The following SIDT1 variants were observed in gnomAD, a reference collection of about 807,000 sequenced individuals.
SIDT1 encodes the protein SID1 transmembrane family member 1.
In SIDT1, 101 loss-of-function variants were observed where a neutral mutation model predicts 107.5. The ratio of observed to expected loss-of-function variants is 0.94; its 90% CI spans 0.80 to 1.11. The LOEUF is 1.11. SIDT1 is among the 50% of genes least tolerant of loss of function. SIDT1 has a pLI of 0.00. For missense variants in SIDT1, 1,076 were observed against 1,058.2 expected, an observed-to-expected ratio of 1.02 and a Z score of -0.23; for synonymous variants, 395 against 398.2, an observed-to-expected ratio of 0.99 and a Z score of 0.10.
At chr3:113,559,465 G>A (rs531484001) in intron 1 of SIDT1, among the ~76,000 whole-genome samples, 1 of 150,886 alleles carries the variant, frequency 6.6e-6, no homozygotes, top group African/African-American at 2.4e-5. Flanking sequence ...TTTGAGACAG[G>A]GTTTTCACTC....
chr3:113,543,626 T>C (rs573520758), intron 1 of SIDT1, among the ~76,000 whole-genome samples: 29 of 151,884 alleles, frequency 1.9e-4, no homozygotes, highest in Non-Finnish European at 4.1e-4. Flanking sequence ...TTGCTCTGTT[T>C]TCACAGGGGA....
intron 3 of SIDT1, among the ~76,000 whole-genome samples, chr3:113,575,764 A>G (rs1454900441): frequency 6.6e-6 from 1 of 152,204 alleles, no homozygotes; most frequent in Non-Finnish European, 1.5e-5. Flanking sequence ...TGTCCTTTCT[A>G]AAGAAATCAT....
At position 113,584,164 on chromosome 3, in the gene SIDT1, T is replaced by C. The variant is rs190437432; in HGVS notation, c.836-534T>C. 2.0e-5 allele frequency among the ~76,000 whole-genome samples: 3 copies of C among 152,338 alleles called. No individual in the cohort carries two copies. In the East Asian group the frequency reaches 5.8e-4, roughly 29 times the overall value. ...AGTGTGTTTACTGTTGAGTGTAACA[T>C]CATTTCCTTGATATTAATGTTTAGG... is the stretch of plus-strand genomic sequence containing the variant. On this transcript the variant is annotated intron_variant, in intron 7 of 24. Transcript: ENST00000264852.
chr3:113,604,967 C>T lies in SIDT1; in HGVS notation c.1395C>T (p.Thr465=). 1 of 1,613,970 alleles carries T rather than the reference C, an allele frequency of 6.2e-7. No homozygotes were observed. Among genetic ancestry groups the T allele is most frequent in the Non-Finnish European group, 8.5e-7 (1 of 1,180,018 alleles). ...TGCCCGTGATCCAGCTGGTCATTACCTATCAGACAGTAAGTGCTGCCCCAG... is the reference window on the plus strand; with the variant it reads ...TGCCCGTGATCCAGCTGGTCATTACTTATCAGACAGTAAGTGCTGCCCCAG... ...YALPVIQLVI[T]YQTVVNVTGN... The change falls in exon 14 of 25, where the codon ACC becomes ACT. Residue 465 remains threonine (T), a synonymous_variant. Coordinates refer to ENST00000264852, the MANE Select transcript of SIDT1 (RefSeq NM_017699.3).
chr3:113,583,442 G>T lies in SIDT1; in HGVS notation c.781G>T (p.Val261Leu), dbSNP rs944831384. Reference sequence around the variant, plus strand: ...TTTTCCAGGCGAGCAGTTCTTCGTGGTATTTGTGATAAAGCCTGAAGATTA... The same window carrying T: ...TTTTCCAGGCGAGCAGTTCTTCGTGTTATTTGTGATAAAGCCTGAAGATTA... ...KDFPGEQFFV[V>L]FVIKPEDYAC... The change falls in exon 7 of 25, where the codon GTA becomes TTA. Residue 261 changes from valine to leucine, a missense_variant. Transcript: ENST00000264852. 1 of 1,599,436 alleles carries T rather than the reference G, an allele frequency of 6.3e-7. No homozygotes were observed. Among genetic ancestry groups the T allele is most frequent in the Non-Finnish European group, 8.5e-7 (1 of 1,169,898 alleles).
chr3:113,576,608 A>G (rs1021561286), intron 3 of SIDT1, among the ~76,000 whole-genome samples: 1 of 152,230 alleles, frequency 6.6e-6, no homozygotes, highest in Non-Finnish European at 1.5e-5. Flanking sequence ...AAAATCAAGC[A>G]CAAGAGAGTC....
intron 3 of SIDT1, among the ~76,000 whole-genome samples, chr3:113,572,996 C>CCTTTTT (rs779118899): frequency 1.4e-5 from 2 of 145,576 alleles, no homozygotes; most frequent in Non-Finnish European, 1.5e-5. Context: ...ATTTACATTC[C>CCTTTTT]TTTTTTTTTT....
chr3:113,551,052 A>G (rs1036391232), intron 1 of SIDT1, among the ~76,000 whole-genome samples: 17 of 152,292 alleles, frequency 1.1e-4, no homozygotes, highest in Admixed American at 7.8e-4. Context: ...GCTAAGGATA[A>G]TGGCCTCCAG....
At chr3:113,580,219 A>G (rs879378748) in intron 4 of SIDT1, among the ~76,000 whole-genome samples, 5 of 152,318 alleles carry the variant, frequency 3.3e-5, no homozygotes, top group Admixed American at 3.3e-4. Flanking sequence ...TTCGTATGTC[A>G]CATTGACCAC....
chr3:113,562,699 GGGAA>G (rs1434295999), intron 1 of SIDT1, among the ~76,000 whole-genome samples: 1 of 152,190 alleles, frequency 6.6e-6, no homozygotes, highest in Non-Finnish European at 1.5e-5. Context: ...CAGGGACTGG[GGGAA>G]GGAAGGAATG....
At position 113,627,852 on chromosome 3, in the gene SIDT1, G is replaced by A. The variant is rs1220700515; in HGVS notation, c.*144G>A. On this transcript the variant is annotated 3_prime_UTR_variant, in exon 25 of 25. Transcript: ENST00000264852. The stretch of plus-strand genomic sequence containing the variant: ...CTCTGCATTCACACAGGAAGGAGAG[G>A]GGCTGCGGGAGATTTAAACCTGCAA... 1 of 712,560 alleles carries A rather than the reference G, an allele frequency of 1.4e-6. No homozygotes were observed. The highest frequency in any genetic ancestry group is 2.4e-6 in the Non-Finnish European group (1 of 415,822). 44.1% of individuals were successfully genotyped at this position (712,560 alleles called of 1,614,324 possible). A position where few individuals can be genotyped will look rare whatever the true frequency, so the allele number is the denominator to read the frequency against.
At chr3:113,621,511 CT>C (rs1946464003) in intron 21 of SIDT1, among the ~76,000 whole-genome samples, 1 of 151,728 alleles carries the variant, frequency 6.6e-6, no homozygotes, top group South Asian at 2.1e-4. Context: ...ATTAATAGTA[CT>C]TTACACTTTA....
the SIDT1 span, among the ~76,000 whole-genome samples, chr3:113,635,645 T>A: frequency 6.6e-6 from 1 of 152,042 alleles, no homozygotes; most frequent in African/African-American, 2.4e-5. Flanking sequence ...GGCAAGCGGA[T>A]CACAAGATCA....
intron 1 of SIDT1, among the ~76,000 whole-genome samples, chr3:113,563,414 T>C (rs1323664289): frequency 6.6e-6 from 1 of 152,224 alleles, no homozygotes; most frequent in Non-Finnish European, 1.5e-5. Context: ...TAACCAGGAA[T>C]GGTGAAAACT....
chr3:113,615,917 C>A (rs1468919428), intron 19 of SIDT1, 183 bp from the exon 20 acceptor site: 1 of 620,550 alleles, frequency 1.6e-6, no homozygotes, highest in South Asian at 1.9e-5. Context: ...ATATGGCATC[C>A]CTCTATGACG....
intron 9 of SIDT1, among the ~76,000 whole-genome samples, chr3:113,587,092 T>C (rs948819888): frequency 3.3e-5 from 5 of 152,166 alleles, no homozygotes; most frequent in African/African-American, 1.2e-4. Flanking sequence ...TGTGGTTATG[T>C]AAGAGAATTT....
Position 113,566,813 on chromosome 3 carries a change from T to A in SIDT1, c.344+272T>A, listed in dbSNP as rs1227194067. Among the ~76,000 whole-genome samples, 5 of 152,220 alleles carry A rather than the reference T, an allele frequency of 3.3e-5. No individual in the cohort carries two copies. In the East Asian group the frequency reaches 9.6e-4, roughly 29 times the overall value. On this transcript the variant is annotated intron_variant, in intron 2 of 24. Coordinates refer to ENST00000264852, the MANE Select transcript of SIDT1 (RefSeq NM_017699.3). ...GTGATCCTCTGTAGCTTTGGGGTAC[T>A]GGGTCAACCAATAGCCCTCCAATGG... is the stretch of plus-strand genomic sequence containing the variant.
chr3:113,533,013 G>A lies in SIDT1; in HGVS notation c.-9G>A, dbSNP rs1464816467. Reference sequence around the variant, plus strand: ...GGCTCCGCTTTCGAGCCCGGGCGCGGTGCCCACCATGCGCGGCTGCCTGCG... The same window carrying A: ...GGCTCCGCTTTCGAGCCCGGGCGCGATGCCCACCATGCGCGGCTGCCTGCG... On this transcript the variant is annotated 5_prime_UTR_variant, in exon 1 of 25. It adds an upstream start codon to the 5' untranslated region. Transcript: ENST00000264852. The A allele has an allele frequency of 2.9e-6, 4 of 1,357,154 alleles. No individual in the cohort carries two copies. The Middle Eastern group carries it at 7.0e-4, about 236-fold the overall frequency. 84.1% of individuals were successfully genotyped at this position (1,357,154 alleles called of 1,614,324 possible). A position where few individuals can be genotyped will look rare whatever the true frequency, so the allele number is the denominator to read the frequency against.
In SIDT1 at chr3:113,601,527, T is replaced by C. The variant is rs1944958395; in HGVS notation, c.1046-61T>C. The C allele has an allele frequency of 4.5e-6, 5 of 1,105,564 alleles. No individual in the cohort carries two copies. The Admixed American group carries it at 5.1e-5, about 11-fold the overall frequency. The allele number at this position is 1,105,564 out of a possible 1,614,324, so 68.5% of individuals were successfully genotyped here. A position where few individuals can be genotyped will look rare whatever the true frequency, so the allele number is the denominator to read the frequency against. On this transcript the variant is annotated intron_variant, in intron 10 of 24. Transcript: ENST00000264852. The stretch of plus-strand genomic sequence containing the variant: ...CCCTGATGATTCAAGCTACTTAGAA[T>C]AGTGTTGTTTTGTTTTAGCAACTGG...
Sources: allele counts gnomAD v4.1 joint callset (sites outside exome capture counted in the v4.1 genomes callset), GRCh38; gene constraint gnomAD v4.1.1; transcripts MANE v1.5; gene names NCBI Gene and HGNC (gene_info 2026-07-23, HGNC 2026-07-21).